RYR1: variants seen among roughly 807,000 people sequenced by gnomAD.
The protein encoded by RYR1 is ryanodine receptor 1.
In RYR1, 342 loss-of-function variants were observed where a neutral mutation model predicts 583.5. That is an observed-to-expected ratio of 0.59 (90% CI 0.54 to 0.64). RYR1 has a LOEUF of 0.64. Among genes scored for constraint, RYR1 ranks in the 30% least tolerant of loss-of-function variants. RYR1 has a pLI of 0.00. For synonymous variants in RYR1, 2,791 were observed against 2,822.5 expected (o/e 0.99, Z 0.35); for missense variants, 6,032 against 6,917.2 (o/e 0.87, Z 4.54).
At chr19:38,577,074 C>T (rs756840266) in intron 97 of RYR1, among the ~76,000 whole-genome samples, 13 of 151,834 alleles carry the variant, frequency 8.6e-5, no homozygotes, top group African/African-American at 2.7e-4. Flanking sequence ...TTAGTAGAGA[C>T]GGGGTTTCGC....
rs79165769 is a variant in RYR1 at position 38,447,417 on chromosome 19, T to C, written c.800+649T>C. Among the ~76,000 whole-genome samples the C allele has an allele frequency of 5.0e-3, 759 of 152,116 alleles. 6 individuals carry two copies. Among genetic ancestry groups the C allele is most frequent in the East Asian group, 0.034 (176 of 5,180 alleles). On this transcript the variant is annotated intron_variant, in intron 9 of 105. Transcript: ENST00000359596. ...TTTGCCTGGTGTGGTGGTGGGCACC[T>C]GTAATCCTTGCTACTGGGGAGGCTC...
chr19:38,569,669 C>T (rs1973624152), intron 93 of RYR1, among the ~76,000 whole-genome samples: 1 of 152,148 alleles, frequency 6.6e-6, no homozygotes, highest in Non-Finnish European at 1.5e-5. Flanking sequence ...TGGAGGCTGA[C>T]TGCCCGGGTT....
intron 63 of RYR1, among the ~76,000 whole-genome samples, chr19:38,513,058 C>T: frequency 6.6e-6 from 1 of 151,446 alleles, no homozygotes; most frequent in Non-Finnish European, 1.5e-5. Flanking sequence ...TAGCACTTGG[C>T]CGAGCGCAGT....
chr19:38,503,483 T>A (rs1970295459), intron 49 of RYR1, among the ~76,000 whole-genome samples: 1 of 152,218 alleles, frequency 6.6e-6, no homozygotes, highest in African/African-American at 2.4e-5. Context: ...ATTTCAAATT[T>A]GCATTTTAGC....
At chr19:38,448,577 C>T in intron 10 of RYR1, 66 bp downstream of exon 10, 1 of 1,614,094 alleles carries the variant, frequency 6.2e-7, no homozygotes, top group Non-Finnish European at 8.5e-7. Flanking sequence ...CTGCACTCTG[C>T]AGTCCCTCAG....
Position 38,579,965 on chromosome 19 carries a change from G to A in RYR1, c.14365-17G>A. 1 of 1,613,986 alleles carries A rather than the reference G, an allele frequency of 6.2e-7. No homozygotes were observed. Among genetic ancestry groups the A allele is most frequent in the Non-Finnish European group, 8.5e-7 (1 of 1,179,958 alleles). On this transcript the variant is annotated splice_polypyrimidine_tract_variant and intron_variant, in intron 99 of 105. Transcript: ENST00000359596. ...GTCCCTGCCTTCCCCCTGACCCCTG[G>A]CCCTGTGTGCCCACAGTCCTTCCTG... is the stretch of plus-strand genomic sequence containing the variant.
intron 72 of RYR1, 80 bp downstream of exon 72, chr19:38,527,132 A>C: frequency 6.7e-7 from 1 of 1,502,474 alleles, no homozygotes. Context: ...GCATTTACCA[A>C]AGACCAGGCA....
chr19:38,434,590 T>C (rs1972342234), intron 1 of RYR1, among the ~76,000 whole-genome samples: 1 of 152,134 alleles, frequency 6.6e-6, no homozygotes, highest in African/African-American at 2.4e-5. Context: ...GGTTACTCCC[T>C]GCATCTGAGC....
intron 34 of RYR1, among the ~76,000 whole-genome samples, chr19:38,488,306 C>T (rs1969389625): frequency 6.6e-6 from 1 of 152,040 alleles, no homozygotes; most frequent in Non-Finnish European, 1.5e-5. Flanking sequence ...ATCATCTCTT[C>T]CTCCATCATT....
chr19:38,433,741 C>T lies in RYR1; in HGVS notation c.-89C>T. The T allele has an allele frequency of 1.4e-6, 1 of 709,038 alleles. No individual in the cohort carries two copies. The highest frequency in any genetic ancestry group is 2.6e-6 in the Non-Finnish European group (1 of 387,306). 43.9% of individuals were successfully genotyped at this position (709,038 alleles called of 1,614,324 possible). On this transcript the variant is annotated 5_prime_UTR_variant, in exon 1 of 106. Transcript: ENST00000359596. ...CTCTGGTGTCTCCAGAGGTCTCCGA[C>T]CCCAGCCCGCCCCCAGCCCTCCCGC...
chr19:38,450,457 C>T (rs573308589), intron 11 of RYR1, among the ~76,000 whole-genome samples: 4 of 152,060 alleles, frequency 2.6e-5, no homozygotes, highest in South Asian at 4.2e-4. Context: ...AGAACAAGGA[C>T]GCAGACACAC....
In RYR1 at chr19:38,469,323, G is replaced by A; in HGVS notation, c.3575G>A (p.Ser1192Asn). ...EIGDGFLPVC[S>N]LGPGQVGHLN... ...CCACCAGGCTTCCTGCCCGTCTGCA[G>A]CTTGGGACCTGGCCAGGTGGGTCAT... Residue 1192 changes from serine to asparagine, a missense_variant, in exon 27 of 106, where the codon AGC (serine) becomes AAC (asparagine). Physicochemically the swap from Ser to Asn is conservative, Grantham distance 46. Around this residue, in one of 11 missense-constraint regions of RYR1, gnomAD observed 2,627 missense variants for 2,961.3 expected, o/e 0.89. Transcript: ENST00000359596. 1 of 1,613,964 alleles carries A rather than the reference G, an allele frequency of 6.2e-7. No individual in the cohort carries two copies. The highest frequency in any genetic ancestry group is 8.5e-7 in the Non-Finnish European group (1 of 1,180,028).
At chr19:38,581,235 G>A (rs1311170548) in intron 101 of RYR1, among the ~76,000 whole-genome samples, 2 of 151,870 alleles carry the variant, frequency 1.3e-5, no homozygotes, top group Non-Finnish European at 1.5e-5. Flanking sequence ...CCGCCACCAC[G>A]CCTGGCAAAT....
chr19:38,532,371 C>T, intron 76 of RYR1, 119 bp from the exon 77 acceptor site: 1 of 969,110 alleles, frequency 1.0e-6, no homozygotes, highest in East Asian at 2.4e-5. Flanking sequence ...GATCTGCCTG[C>T]CTCAGCCTCC....
intron 39 of RYR1, among the ~76,000 whole-genome samples, chr19:38,495,735 C>T (rs1421620719): frequency 1.3e-5 from 2 of 152,228 alleles, no homozygotes; most frequent in East Asian, 1.9e-4. Flanking sequence ...ATGAGGGAAA[C>T]AGGGACCCTT....
At position 38,575,870 on chromosome 19, in the gene RYR1, C is replaced by T. The variant is rs781611169; in HGVS notation, c.14130-49C>T. ...CTGTCGTGGCTGACAGCTCTGATCC[C>T]TCTGGCCCTAACATCTTATACTCAC... On this transcript the variant is annotated intron_variant, in intron 96 of 105. Coordinates refer to ENST00000359596, the MANE Select transcript of RYR1 (RefSeq NM_000540.3). 7.5e-6 allele frequency: 12 copies of T among 1,604,088 alleles called. 1 individual carries two copies. In the South Asian group the frequency reaches 1.2e-4, roughly 16 times the overall value.
intron 2 of RYR1, among the ~76,000 whole-genome samples, chr19:38,441,112 G>A (rs1333110766): frequency 6.6e-6 from 1 of 151,806 alleles, no homozygotes; most frequent in Non-Finnish European, 1.5e-5. Context: ...GCCAGGGCGG[G>A]GGCTGCTGAT....
At chr19:38,573,419 C>T (rs1973815522) in intron 96 of RYR1, 112 bp downstream of exon 96, 3 of 1,363,760 alleles carry the variant, frequency 2.2e-6, no homozygotes, top group Middle Eastern at 2.7e-4. Context: ...CGGTGGCTCA[C>T]ACCTGTAATC....
At chr19:38,571,915 T>A in intron 94 of RYR1, 104 bp from the exon 95 acceptor site, 1 of 1,535,008 alleles carries the variant, frequency 6.5e-7, no homozygotes, top group Non-Finnish European at 8.9e-7. Flanking sequence ...ACACCAAGAC[T>A]GTATCTGGTA....
Sources: gnomAD v4.1 joint callset for allele counts (sites outside exome capture counted in the v4.1 genomes callset) on GRCh38, gnomAD v4.1.1 for gene constraint, gnomAD v4.1.1 regional missense constraint, MANE v1.5 for transcripts, NCBI Gene and HGNC (gene_info 2026-07-23, HGNC 2026-07-21) for gene names.